TEX14: variants seen among roughly 807,000 people sequenced by gnomAD.
TEX14 encodes the protein testis expressed 14, intercellular bridge forming factor.
In TEX14, 168 loss-of-function variants were observed where a neutral mutation model predicts 178.6. The ratio of observed to expected loss-of-function variants is 0.94; its 90% CI spans 0.83 to 1.07. The LOEUF (loss-of-function observed/expected upper bound fraction) is 1.07. Ranked by LOEUF, TEX14 falls within the 50% of genes least tolerant of loss-of-function variation. The pLI, the probability that TEX14 is intolerant of heterozygous loss-of-function variation, is 0.00. For synonymous variants in TEX14, 626 were observed against 634.1 expected, an observed-to-expected ratio of 0.99 and a Z score of 0.19; for missense variants, 1,730 against 1,753.6, an observed-to-expected ratio of 0.99 and a Z score of 0.24.
intron 29 of TEX14, among the ~76,000 whole-genome samples, chr17:58,560,104 A>C (rs1395675783): frequency 6.6e-6 from 1 of 152,180 alleles, no homozygotes; most frequent in Non-Finnish European, 1.5e-5. Context: ...ACCCAACTGG[A>C]AACTCCTTAT....
At chr17:58,619,523 G>C (rs180688739) in intron 5 of TEX14, among the ~76,000 whole-genome samples, 91 of 151,890 alleles carry the variant, frequency 6.0e-4, no homozygotes, top group Middle Eastern at 3.4e-3. Flanking sequence ...TTAAGAGGAG[G>C]GGGGGCGGGC....
intron 11 of TEX14, among the ~76,000 whole-genome samples, chr17:58,603,967 T>C (rs2045544075): frequency 6.8e-6 from 1 of 147,914 alleles, no homozygotes; most frequent in African/African-American, 2.5e-5. Flanking sequence ...AAGGATTCCT[T>C]CCATCTTCAG....
chr17:58,644,733 C>A (rs561753047), intron 2 of TEX14, among the ~76,000 whole-genome samples: 4 of 150,290 alleles, frequency 2.7e-5, no homozygotes, highest in South Asian at 4.2e-4. Flanking sequence ...CCTCCGCCCC[C>A]CCTGGTTCAA....
intron 1 of TEX14, among the ~76,000 whole-genome samples, chr17:58,662,794 A>G (rs745470528): frequency 2.4e-4 from 36 of 152,200 alleles, no homozygotes; most frequent in Non-Finnish European, 2.6e-4. Context: ...GTTTTGTTAC[A>G]TAAGTTCACA....
chr17:58,602,350 C>T (rs2045473322), intron 12 of TEX14, 50 bp downstream of exon 12: 8 of 1,520,502 alleles, frequency 5.3e-6, no homozygotes, highest in Non-Finnish European at 7.2e-6. Flanking sequence ...ACTCCCTATT[C>T]TCCTGAGTTA....
In TEX14 at chr17:58,601,967, G is replaced by A. The variant is rs1246908704; in HGVS notation, c.1528-11C>T. On this transcript the variant is annotated splice_polypyrimidine_tract_variant and intron_variant, in intron 12 of 31. Transcript: ENST00000349033. ...GGCTCCAGTAAAATCCTGTAACACA[G>A]GAAATATTGTCAAGGACATAGTCTC... 5.0e-6 allele frequency: 8 copies of A among 1,612,408 alleles called. No homozygotes were observed. The highest frequency in any genetic ancestry group is 1.9e-4 in the Middle Eastern group (1 of 5,264).
intron 1 of TEX14, among the ~76,000 whole-genome samples, chr17:58,664,632 A>G (rs2047176150): frequency 6.6e-6 from 1 of 152,184 alleles, no homozygotes; most frequent in Non-Finnish European, 1.5e-5. Flanking sequence ...TGCCAGACCT[A>G]TAAAAAGTTC....
chr17:58,642,710 A>G (rs918298746), intron 2 of TEX14, among the ~76,000 whole-genome samples: 1 of 151,912 alleles, frequency 6.6e-6, no homozygotes, highest in Non-Finnish European at 1.5e-5. Flanking sequence ...CAAGGGTCCT[A>G]TCTCTGGTCT....
At chr17:58,683,480 T>C (rs1442381057) in intron 1 of TEX14, among the ~76,000 whole-genome samples, 1 of 149,540 alleles carries the variant, frequency 6.7e-6, no homozygotes, top group Non-Finnish European at 1.5e-5. Flanking sequence ...GAGACAGAAT[T>C]GGCCAGGTGC....
chr17:58,633,640 T>A (rs1009725076), intron 2 of TEX14, among the ~76,000 whole-genome samples: 2 of 151,470 alleles, frequency 1.3e-5, no homozygotes, highest in Non-Finnish European at 2.9e-5. Flanking sequence ...GCCTGGCCAA[T>A]GTGGACAAAC....
rs747650960 is a variant in TEX14, at chr17:58,585,968, A to G, written c.2903T>C (p.Leu968Pro). Reference protein sequence around the residue: ...ESEAENEPDALLQPPIRSPEN... With the variant: ...ESEAENEPDAPLQPPIRSPEN... ...TGGGCTCCTAATGGGGGGCTGCAGC[A>G]GGGCGTCGGGCTCATTTTCAGCCTC... Residue 968 changes from leucine (L) to proline (P), a missense_variant, in exon 18 of 32, where the codon CTG becomes CCG. Leu to Pro is a moderately conservative substitution (Grantham distance 98). Coordinates refer to ENST00000349033, the MANE Select transcript of TEX14 (RefSeq NM_031272.5). 1.2e-6 allele frequency: 2 copies of G among 1,613,968 alleles called. No individual in the cohort carries two copies. The highest frequency in any genetic ancestry group is 2.7e-5 in the African/African-American group (2 of 74,880).
At chr17:58,638,695 C>T (rs954258050) in intron 2 of TEX14, among the ~76,000 whole-genome samples, 3 of 151,828 alleles carry the variant, frequency 2.0e-5, no homozygotes, top group South Asian at 4.2e-4. Flanking sequence ...TATGCCACGA[C>T]GCCTGCCTAA....
At chr17:58,689,810 G>T (rs1338592595) in intron 1 of TEX14, among the ~76,000 whole-genome samples, 3 of 151,280 alleles carry the variant, frequency 2.0e-5, no homozygotes, top group Non-Finnish European at 4.4e-5. Context: ...TCTTAAGAAT[G>T]ATGATGAAAA....
At chr17:58,652,170 G>A (rs561461688) in intron 1 of TEX14, among the ~76,000 whole-genome samples, 168 bp from the exon 2 acceptor site, 75 of 152,188 alleles carry the variant, frequency 4.9e-4, no homozygotes, top group Non-Finnish European at 7.8e-4. Flanking sequence ...CAGTGTTATC[G>A]CTGAAATTAA....
Position 58,617,559 on chromosome 17 carries a change from G to A in TEX14, c.615C>T (p.Ile205=), listed in dbSNP as rs62081268. Residue 205 remains isoleucine (I), a synonymous_variant, in exon 6 of 32, where the codon ATC becomes ATT. Coordinates refer to ENST00000349033, the MANE Select transcript of TEX14 (RefSeq NM_031272.5). ...TTACCTTCCCAAAACCAAAGCTGTA[G>A]ATATTTTGAGCAGAAATGACTCCAG... is the stretch of plus-strand genomic sequence containing the variant. The part of the protein sequence containing the change: ...LKAGVISAQN[I]YSFGFGKFYL... 1.9e-5 allele frequency: 31 copies of A among 1,613,678 alleles called. No individual in the cohort carries two copies. Among genetic ancestry groups the A allele is most frequent in the Non-Finnish European group, 2.6e-5 (31 of 1,179,830 alleles).
intron 4 of TEX14, among the ~76,000 whole-genome samples, 157 bp downstream of exon 4, chr17:58,622,690 C>T (rs914670738): frequency 1.3e-5 from 2 of 152,142 alleles, no homozygotes; most frequent in Non-Finnish European, 2.9e-5. Context: ...CTAGACCTGC[C>T]GGAAGTTTCG....
At chr17:58,604,752 G>C (rs1486057202) in intron 11 of TEX14, among the ~76,000 whole-genome samples, 1 of 151,990 alleles carries the variant, frequency 6.6e-6, no homozygotes, top group Non-Finnish European at 1.5e-5. Flanking sequence ...GTAGAGACAG[G>C]GTTTCACCAT....
At chr17:58,584,757 A>C (rs539397466) in intron 18 of TEX14, among the ~76,000 whole-genome samples, 157 bp from the exon 19 acceptor site, 1 of 152,348 alleles carries the variant, frequency 6.6e-6, no homozygotes, top group East Asian at 1.9e-4. Flanking sequence ...AGAGACTGTT[A>C]GTTTAGCCTG....
intron 1 of TEX14, chr17:58,660,941 AG>A: frequency 9.7e-7 from 1 of 1,034,130 alleles, no homozygotes; most frequent in Non-Finnish European, 1.5e-6. Context: ...TTTCTCTCCC[AG>A]GATCTTTATT....
Sources: allele counts gnomAD v4.1 joint callset (sites outside exome capture counted in the v4.1 genomes callset), GRCh38; gene constraint gnomAD v4.1.1; transcripts MANE v1.5; gene names NCBI Gene and HGNC (gene_info 2026-07-23, HGNC 2026-07-21).